The following DGKI variants were observed in gnomAD, a reference collection of about 807,000 sequenced individuals.
The protein encoded by DGKI is diacylglycerol kinase iota, also known as DAG kinase iota.
DGKI carries 55 observed loss-of-function variants against 147.5 expected under a neutral mutation model. The observed-to-expected ratio is 0.37, with a 90% confidence interval of 0.30 to 0.47. The LOEUF is 0.47. Ranked by LOEUF, DGKI falls within the 20% of genes least tolerant of loss-of-function variation. The pLI is 1.00. For missense variants in DGKI, 1,007 were observed against 1,323.8 expected (o/e 0.76, Z 3.71); for synonymous variants, 469 against 477.1 (o/e 0.98, Z 0.22).
intron 20 of DGKI, among the ~76,000 whole-genome samples, chr7:137,537,947 C>G (rs1247910171): frequency 1.3e-5 from 2 of 152,078 alleles, no homozygotes; most frequent in African/African-American, 4.8e-5. Flanking sequence ...CTGAATAACA[C>G]AAATCAAGTC....
At chr7:137,511,070 G>A (rs770067758) in intron 21 of DGKI, among the ~76,000 whole-genome samples, 1 of 152,170 alleles carries the variant, frequency 6.6e-6, no homozygotes, top group Non-Finnish European at 1.5e-5. Flanking sequence ...TTTTATCCAC[G>A]TAACTAGTGC....
At chr7:137,410,420 A>G (rs1812119989) in intron 29 of DGKI, among the ~76,000 whole-genome samples, 1 of 152,120 alleles carries the variant, frequency 6.6e-6, no homozygotes, top group African/African-American at 2.4e-5. Context: ...ACAAAAACAA[A>G]ATAAGGTGTT....
intron 1 of DGKI, among the ~76,000 whole-genome samples, chr7:137,737,204 CAAAAAAA>C (rs763572711): frequency 3.7e-3 from 311 of 83,502 alleles, no homozygotes; most frequent in Middle Eastern, 0.033. Context: ...CTCATTTCAC[CAAAAAAA>C]AAAAAAAAAA....
chr7:137,390,234 T>G lies in DGKI; in HGVS notation c.*986A>C, dbSNP rs1811310536. On this transcript the variant is annotated 3_prime_UTR_variant, in exon 33 of 33. Transcript: ENST00000614521. ...GCTTTCTATTATCATTCAACAAAGT[T>G]TAGAAGTAAACATTGTTAGAGTGCT... 1 of 152,356 alleles carries G rather than the reference T, an allele frequency of 6.6e-6. No homozygotes were observed. Among genetic ancestry groups the G allele is most frequent in the African/African-American group, 2.4e-5 (1 of 41,424 alleles). The allele number at this position is 152,356 out of a possible 1,614,324, so 9.4% of individuals were successfully genotyped here.
At chr7:137,655,050 C>T (rs549911663) in intron 4 of DGKI, among the ~76,000 whole-genome samples, 1 of 152,238 alleles carries the variant, frequency 6.6e-6, no homozygotes, top group South Asian at 2.1e-4. Context: ...TGCTCTTACA[C>T]CATAAATTTG....
intron 1 of DGKI, among the ~76,000 whole-genome samples, chr7:137,802,381 T>A (rs1402161421): frequency 6.6e-6 from 1 of 152,168 alleles, no homozygotes; most frequent in Middle Eastern, 3.2e-3. Context: ...CCAAAAACTA[T>A]TAAAATGATT....
chr7:137,686,597 T>C (rs1823426384), intron 2 of DGKI, among the ~76,000 whole-genome samples: 1 of 152,184 alleles, frequency 6.6e-6, no homozygotes, highest in Admixed American at 6.5e-5. Flanking sequence ...AGAGAGACTG[T>C]ATATATCACA....
At chr7:137,495,916 C>T (rs1159926746) in intron 21 of DGKI, among the ~76,000 whole-genome samples, 1 of 152,158 alleles carries the variant, frequency 6.6e-6, no homozygotes, top group East Asian at 1.9e-4. Flanking sequence ...AAGATGCTCA[C>T]TCTCACCACT....
chr7:137,484,256 C>T (rs1359859564), intron 23 of DGKI, among the ~76,000 whole-genome samples: 5 of 151,974 alleles, frequency 3.3e-5, no homozygotes, highest in Admixed American at 3.3e-4. Flanking sequence ...ACCTAGAAGG[C>T]TACAAGATAT....
chr7:137,476,153 A>G (rs1815163972), intron 23 of DGKI, among the ~76,000 whole-genome samples: 1 of 151,796 alleles, frequency 6.6e-6, no homozygotes, highest in African/African-American at 2.4e-5. Flanking sequence ...CAAGTAGAAC[A>G]GGTAGCTCTT....
chr7:137,419,510 A>G (rs1812480895), intron 28 of DGKI, among the ~76,000 whole-genome samples: 1 of 152,242 alleles, frequency 6.6e-6, no homozygotes, highest in African/African-American at 2.4e-5. Flanking sequence ...GCCATGGTAC[A>G]TGAGCAACAA....
intron 3 of DGKI, among the ~76,000 whole-genome samples, chr7:137,667,187 A>G (rs750055071): frequency 3.3e-5 from 5 of 152,172 alleles, no homozygotes; most frequent in Non-Finnish European, 7.3e-5. Flanking sequence ...TAATTGAAGG[A>G]TTGATATGCA....
Position 137,385,983 on chromosome 7 carries a change from C to A in DGKI, c.*5237G>T, listed in dbSNP as rs1016669823. The A allele has an allele frequency of 4.6e-5, 7 of 152,034 alleles. No homozygotes were observed. The highest frequency in any genetic ancestry group is 2.1e-4 in the South Asian group (1 of 4,828). The allele number at this position is 152,034 out of a possible 1,614,324, so 9.4% of individuals were successfully genotyped here. A position where few individuals can be genotyped will look rare whatever the true frequency, so the allele number is the denominator to read the frequency against. The stretch of plus-strand genomic sequence containing the variant: ...TAGTATGATGCCTGCCTCAGAGTGA[C>A]AAATATTTTTCAAATAATGATTAAA... On this transcript the variant is annotated 3_prime_UTR_variant, in exon 33 of 33. Coordinates refer to ENST00000614521, the MANE Select transcript of DGKI (RefSeq NM_001321708.2).
intron 15 of DGKI, among the ~76,000 whole-genome samples, chr7:137,580,896 T>C (rs1457561220): frequency 6.6e-6 from 1 of 152,152 alleles, no homozygotes; most frequent in Non-Finnish European, 1.5e-5. Flanking sequence ...ACTTCTCATT[T>C]ATGACTTTAT....
intron 23 of DGKI, among the ~76,000 whole-genome samples, chr7:137,471,851 A>G (rs1335374185): frequency 2.0e-5 from 3 of 147,922 alleles, no homozygotes; most frequent in African/African-American, 7.4e-5. Context: ...AGCTATGGAT[A>G]CAGAGATACT....
intron 3 of DGKI, among the ~76,000 whole-genome samples, chr7:137,672,539 C>A (rs1189743259): frequency 1.3e-5 from 2 of 152,186 alleles, no homozygotes; most frequent in African/African-American, 4.8e-5. Context: ...CTTAAAACAA[C>A]AGAAATGTAT....
chr7:137,576,224 G>T (rs1251496395), intron 17 of DGKI, among the ~76,000 whole-genome samples: 2 of 151,652 alleles, frequency 1.3e-5, no homozygotes, highest in African/African-American at 4.8e-5. Context: ...TTTTGATAGA[G>T]ATGGGATTTC....
chr7:137,745,665 T>G (rs905560216), intron 1 of DGKI, among the ~76,000 whole-genome samples: 1 of 152,148 alleles, frequency 6.6e-6, no homozygotes, highest in African/African-American at 2.4e-5. Flanking sequence ...TTGTTTTACT[T>G]AATAATGGTT....
intron 1 of DGKI, among the ~76,000 whole-genome samples, chr7:137,818,632 G>A (rs946816885): frequency 6.6e-6 from 1 of 151,980 alleles, no homozygotes; most frequent in Non-Finnish European, 1.5e-5. Flanking sequence ...TGGTAGTGAC[G>A]GGGTTTCACC....
Sources: allele counts gnomAD v4.1 joint callset (sites outside exome capture counted in the v4.1 genomes callset), GRCh38; gene constraint gnomAD v4.1.1; transcripts MANE v1.5; gene names NCBI Gene and HGNC (gene_info 2026-07-23, HGNC 2026-07-21).